The following FIRRM variants were observed in gnomAD, a reference collection of about 807,000 sequenced individuals.
FIRRM encodes the protein FIGNL1 interacting regulator of recombination and mitosis.
chr1:169,846,563 A>G, the FIRRM span, among the ~76,000 whole-genome samples: 17 of 152,314 alleles, frequency 1.1e-4, no homozygotes, highest in African/African-American at 4.1e-4. Flanking sequence ...CAGCTTCTTC[A>G]TCAGCACTTG....
chr1:169,851,766 G>C, the FIRRM span: 10 of 1,590,812 alleles, frequency 6.3e-6, no homozygotes, highest in Non-Finnish European at 7.7e-6. Context: ...TTCATATCTA[G>C]TAGAGTGCTA....
chr1:169,829,156 T>C, the FIRRM span: 1 of 1,008,172 alleles, frequency 9.9e-7, no homozygotes, highest in Non-Finnish European at 1.4e-6. Flanking sequence ...TTATACCTCT[T>C]GAAACATTTT....
chr1:169,807,838 A>G, the FIRRM span: 5 of 1,606,632 alleles, frequency 3.1e-6, no homozygotes, highest in Non-Finnish European at 3.4e-6. Context: ...TTGAAACACA[A>G]AGATATAATT....
the FIRRM span, among the ~76,000 whole-genome samples, chr1:169,845,206 C>T: frequency 6.6e-6 from 1 of 152,092 alleles, no homozygotes; most frequent in Non-Finnish European, 1.5e-5. Flanking sequence ...TTACACTATA[C>T]TGTAGGTTGT....
the FIRRM span, among the ~76,000 whole-genome samples, chr1:169,803,681 T>C: frequency 1.3e-5 from 2 of 152,208 alleles, no homozygotes; most frequent in African/African-American, 4.8e-5. Context: ...AATCCTTATT[T>C]AGTCCATCTC....
chr1:169,784,543 TTGTC>T, the FIRRM span, among the ~76,000 whole-genome samples: 1 of 152,172 alleles, frequency 6.6e-6, no homozygotes, highest in Non-Finnish European at 1.5e-5. Flanking sequence ...CCAATTTTGT[TTGTC>T]TGTTTGCTTG....
chr1:169,830,603 C>A, the FIRRM span: 4 of 1,232,092 alleles, frequency 3.2e-6, no homozygotes, highest in Non-Finnish European at 4.7e-6. Context: ...TTTTTAATGT[C>A]CTCATCAGAA....
At chr1:169,795,632 T>C in the FIRRM span, 1 of 994,174 alleles carries the variant, frequency 1.0e-6, no homozygotes, top group Admixed American at 5.8e-5. Context: ...TACTCTGAGC[T>C]TTTGTCTCCC....
the FIRRM span, chr1:169,843,875 T>C: frequency 1.5e-6 from 1 of 679,748 alleles, no homozygotes; most frequent in Non-Finnish European, 2.6e-6. Context: ...CTCCTCTTGT[T>C]GTGTCATATA....
At chr1:169,834,889 A>T in the FIRRM span, among the ~76,000 whole-genome samples, 157 of 152,322 alleles carry the variant, frequency 1.0e-3, 2 homozygotes, top group African/African-American at 3.5e-3. Context: ...TTTGTGATGA[A>T]TGCCAAAACT....
At chr1:169,807,861 G>A in the FIRRM span, 1 of 1,610,034 alleles carries the variant, frequency 6.2e-7, no homozygotes, top group Admixed American at 1.7e-5. Context: ...TAGCTTGTGT[G>A]AAGACATTCT....
At chr1:169,798,844 A>ATT in the FIRRM span, 31 of 820,106 alleles carry the variant, frequency 3.8e-5, no homozygotes, top group South Asian at 2.4e-4. Context: ...AAAGGGTTTT[A>ATT]TTTTTTTTTT....
At chr1:169,799,348 T>C in the FIRRM span, among the ~76,000 whole-genome samples, 2 of 152,216 alleles carry the variant, frequency 1.3e-5, no homozygotes, top group African/African-American at 4.8e-5. Flanking sequence ...GTCTAGGTGA[T>C]AACAAATTTA....
the FIRRM span, among the ~76,000 whole-genome samples, chr1:169,834,095 A>G: frequency 6.6e-6 from 1 of 152,064 alleles, no homozygotes; most frequent in African/African-American, 2.4e-5. Flanking sequence ...ATAACTCAGA[A>G]TGAATTAGCT....
chr1:169,814,102 T>C, the FIRRM span, among the ~76,000 whole-genome samples: 1 of 152,230 alleles, frequency 6.6e-6, no homozygotes, highest in Non-Finnish European at 1.5e-5. Context: ...CTGATTCTTA[T>C]GTGATTATAC....
At chr1:169,843,376 T>C in the FIRRM span, among the ~76,000 whole-genome samples, 7 of 152,226 alleles carry the variant, frequency 4.6e-5, no homozygotes, top group African/African-American at 7.2e-5. Flanking sequence ...CTTTCAGTGA[T>C]AGACAAGTAA....
the FIRRM span, among the ~76,000 whole-genome samples, chr1:169,823,229 A>G: frequency 6.6e-6 from 1 of 152,016 alleles, no homozygotes; most frequent in Non-Finnish European, 1.5e-5. Flanking sequence ...CAGCCTGGGC[A>G]ACAAGAGTGA....
At chr1:169,852,991 T>G in the FIRRM span, 1 of 1,610,152 alleles carries the variant, frequency 6.2e-7, no homozygotes, top group Non-Finnish European at 8.5e-7. Context: ...AGGGTGAAAC[T>G]TATCACTAGG....
At chr1:169,795,102 T>C in the FIRRM span, 1 of 1,535,376 alleles carries the variant, frequency 6.5e-7, no homozygotes, top group Non-Finnish European at 8.7e-7. Flanking sequence ...TTGACGAAAG[T>C]ATGTCTCAGG....
Sources: allele counts gnomAD v4.1 joint callset (sites outside exome capture counted in the v4.1 genomes callset), GRCh38; gene constraint gnomAD v4.1.1; transcripts MANE v1.5; gene names NCBI Gene and HGNC (gene_info 2026-07-23, HGNC 2026-07-21).